The following UNC5D variants were observed in gnomAD, a reference collection of about 807,000 sequenced individuals.
UNC5D encodes unc-5 netrin receptor D, also known as netrin receptor UNC5D.
UNC5D carries 39 observed loss-of-function variants against 105.4 expected under a neutral mutation model. That is an observed-to-expected ratio of 0.37 (90% CI 0.29 to 0.48). The LOEUF is 0.48. Ranked by LOEUF, UNC5D falls within the 20% of genes least tolerant of loss-of-function variation. The pLI is 0.98. For missense variants in UNC5D, 991 were observed against 1,202.4 expected, an observed-to-expected ratio of 0.82 and a Z score of 2.60; for synonymous variants, 452 against 450.4, an observed-to-expected ratio of 1.00 and a Z score of -0.04.
chr8:35,634,536 A>G (rs1822236860), intron 4 of UNC5D, among the ~76,000 whole-genome samples: 1 of 152,128 alleles, frequency 6.6e-6, no homozygotes, highest in South Asian at 2.1e-4. Context: ...ACCTAAATGG[A>G]TCTATTTGAT....
At chr8:35,718,399 A>G (rs1828378712) in intron 8 of UNC5D, among the ~76,000 whole-genome samples, 1 of 152,200 alleles carries the variant, frequency 6.6e-6, no homozygotes, top group South Asian at 2.1e-4. Flanking sequence ...GTATAAACGT[A>G]TGTGTAAATG....
intron 1 of UNC5D, among the ~76,000 whole-genome samples, chr8:35,300,828 G>GA (rs1807898868): frequency 6.6e-6 from 1 of 152,078 alleles, no homozygotes; most frequent in Admixed American, 6.6e-5. Flanking sequence ...TCTTTGTATT[G>GA]AAAAAATCAA....
At chr8:35,477,303 T>A (rs539256934) in intron 1 of UNC5D, among the ~76,000 whole-genome samples, 1 of 152,276 alleles carries the variant, frequency 6.6e-6, no homozygotes, top group East Asian at 1.9e-4. Flanking sequence ...GAATAATGCT[T>A]CCATAAGGCT....
At chr8:35,680,802 G>A (rs1016999432) in intron 4 of UNC5D, among the ~76,000 whole-genome samples, 4 of 152,114 alleles carry the variant, frequency 2.6e-5, no homozygotes, top group Non-Finnish European at 4.4e-5. Flanking sequence ...TTATTTATGG[G>A]TCAGTGCCAG....
chr8:35,246,960 C>T (rs1041617709), intron 1 of UNC5D, among the ~76,000 whole-genome samples: 4 of 151,934 alleles, frequency 2.6e-5, no homozygotes, highest in African/African-American at 7.3e-5. Context: ...AAAAAGGGCC[C>T]TAAAATTTCC....
intron 1 of UNC5D, among the ~76,000 whole-genome samples, chr8:35,300,876 C>T (rs1489769025): frequency 6.6e-6 from 1 of 152,044 alleles, no homozygotes; most frequent in Admixed American, 6.6e-5. Flanking sequence ...AGAATAAACC[C>T]TGTGGTGTTG....
chr8:35,753,289 G>A (rs1392474817), intron 13 of UNC5D, among the ~76,000 whole-genome samples: 1 of 151,752 alleles, frequency 6.6e-6, no homozygotes, highest in African/African-American at 2.4e-5. Context: ...TGTTTTTTGA[G>A]ATGGAGTCTC....
intron 15 of UNC5D, 33 bp downstream of exon 15, chr8:35,767,099 C>T (rs1279541072): frequency 6.3e-7 from 1 of 1,576,030 alleles, no homozygotes; most frequent in South Asian, 1.2e-5. Context: ...ATTTGACCCC[C>T]TTTCTGAAGG....
At chr8:35,720,135 A>T (rs549097675) in intron 8 of UNC5D, among the ~76,000 whole-genome samples, 1 of 152,328 alleles carries the variant, frequency 6.6e-6, no homozygotes, top group African/African-American at 2.4e-5. Flanking sequence ...CCAGGGGAAC[A>T]AAGACAACTT....
rs370417501 is a variant in UNC5D at position 35,789,433 on chromosome 8, C to T, written c.2658-926C>T. 5.3e-5 allele frequency among the ~76,000 whole-genome samples: 8 copies of T among 150,458 alleles called. No individual in the cohort carries two copies. In the East Asian group the frequency reaches 9.9e-4, roughly 19 times the overall value. On this transcript the variant is annotated intron_variant, in intron 16 of 16. Coordinates refer to ENST00000404895, the MANE Select transcript of UNC5D (RefSeq NM_080872.4). Reference sequence around the variant, plus strand: ...AGAGCAACGGAGAAGCTGATGAGTACGTTAAAAAGAAAAAAAATATAAAAG... The same window carrying T: ...AGAGCAACGGAGAAGCTGATGAGTATGTTAAAAAGAAAAAAAATATAAAAG...
chr8:35,602,461 T>C (rs912571281), intron 4 of UNC5D, among the ~76,000 whole-genome samples: 18 of 152,196 alleles, frequency 1.2e-4, no homozygotes, highest in African/African-American at 3.6e-4. Context: ...CTATTAATTA[T>C]TGCCTCAATT....
intron 3 of UNC5D, among the ~76,000 whole-genome samples, chr8:35,593,834 T>C (rs1819326683): frequency 6.6e-6 from 1 of 152,204 alleles, no homozygotes; most frequent in Admixed American, 6.6e-5. Flanking sequence ...AAAGTCACTC[T>C]TGCTCTATGA....
At chr8:35,544,276 G>A (rs1329126201) in intron 1 of UNC5D, 1 of 1,165,622 alleles carries the variant, frequency 8.6e-7, no homozygotes, top group Non-Finnish European at 1.2e-6. Context: ...ACAGCTGATG[G>A]CATTAGGATT....
chr8:35,440,739 A>G (rs983163037), intron 1 of UNC5D, among the ~76,000 whole-genome samples: 6 of 151,924 alleles, frequency 3.9e-5, no homozygotes, highest in African/African-American at 1.5e-4. Flanking sequence ...GCTGTTGCCA[A>G]TTTTTATCTT....
intron 1 of UNC5D, among the ~76,000 whole-genome samples, chr8:35,330,759 A>C (rs1381701955): frequency 6.6e-6 from 1 of 152,182 alleles, no homozygotes; most frequent in Admixed American, 6.5e-5. Context: ...AAAACCTATA[A>C]AATTTAACTC....
At chr8:35,669,379 T>G (rs78348251) in intron 4 of UNC5D, among the ~76,000 whole-genome samples, 1 of 152,128 alleles carries the variant, frequency 6.6e-6, no homozygotes, top group Admixed American at 6.6e-5. Flanking sequence ...TACCTAACAG[T>G]GCAGCATGCA....
At chr8:35,625,655 A>G (rs981540324) in intron 4 of UNC5D, among the ~76,000 whole-genome samples, 14 of 152,238 alleles carry the variant, frequency 9.2e-5, no homozygotes, top group African/African-American at 2.9e-4. Context: ...CTTGTTTCCC[A>G]TTACTGAAAA....
chr8:35,295,011 A>G (rs1807372828), intron 1 of UNC5D, among the ~76,000 whole-genome samples: 1 of 152,204 alleles, frequency 6.6e-6, no homozygotes, highest in African/African-American at 2.4e-5. Context: ...TCACACAAAG[A>G]TGATTAGTTT....
At chr8:35,767,092 T>G in intron 15 of UNC5D, 26 bp downstream of exon 15, 1 of 1,585,682 alleles carries the variant, frequency 6.3e-7, no homozygotes, top group African/African-American at 1.3e-5. Flanking sequence ...ACAGGTCATT[T>G]GACCCCCTTT....
Sources: allele counts gnomAD v4.1 joint callset (sites outside exome capture counted in the v4.1 genomes callset), GRCh38; gene constraint gnomAD v4.1.1; transcripts MANE v1.5; gene names NCBI Gene and HGNC (gene_info 2026-07-23, HGNC 2026-07-21).